EREG: variants seen among roughly 807,000 people sequenced by gnomAD.
The protein encoded by EREG is epiregulin, also known as proepiregulin.
Under a neutral mutation model 22.4 loss-of-function variants are expected in EREG, and 23 were observed. The observed-to-expected ratio is 1.03, with a 90% CI of 0.74 to 1.46. EREG has a LOEUF of 1.46. EREG is among the 40% of genes most tolerant of loss of function. EREG has a pLI of 0.00. For synonymous variants in EREG, 100 were observed against 75.4 expected (o/e 1.33, Z -1.69); for missense variants, 226 against 205.9 (o/e 1.10, Z -0.60).
chr4:74,379,658 T>G (rs1232075727), intron 2 of EREG, 124 bp downstream of exon 2: 5 of 563,796 alleles, frequency 8.9e-6, no homozygotes, highest in Non-Finnish European at 1.6e-5. Flanking sequence ...CTATATTACT[T>G]TTTAAATCAC....
chr4:74,370,967 T>C (rs566798411), intron 1 of EREG, among the ~76,000 whole-genome samples: 6 of 152,210 alleles, frequency 3.9e-5, no homozygotes, highest in African/African-American at 1.4e-4. Context: ...ACTAAATAAT[T>C]CTTTGTTGCA....
At chr4:74,381,189 T>G (rs747004149) in intron 3 of EREG, 52 bp downstream of exon 3, 29 of 1,541,676 alleles carry the variant, frequency 1.9e-5, no homozygotes, top group Non-Finnish European at 2.5e-5. Flanking sequence ...GTTTTATAGA[T>G]TTAGGGGTAC....
chr4:74,370,888 T>G (rs1015911451), intron 1 of EREG, among the ~76,000 whole-genome samples: 1 of 152,218 alleles, frequency 6.6e-6, no homozygotes, highest in African/African-American at 2.4e-5. Flanking sequence ...GTATGTGAGC[T>G]AGAACTGGAT....
intron 1 of EREG, among the ~76,000 whole-genome samples, chr4:74,369,386 C>T (rs932434471): frequency 3.3e-5 from 5 of 151,940 alleles, no homozygotes; most frequent in Admixed American, 3.3e-4. Flanking sequence ...GTACATAGTA[C>T]ATAGTACTCA....
At chr4:74,384,632 C>A in intron 4 of EREG, 95 bp from the exon 5 acceptor site, 1 of 564,374 alleles carries the variant, frequency 1.8e-6, no homozygotes, top group Non-Finnish European at 3.2e-6. Flanking sequence ...ATTTTGGAAA[C>A]ACTATGCTAA....
intron 2 of EREG, 33 bp from the exon 3 acceptor site, chr4:74,380,981 C>A (rs767497744): frequency 6.2e-7 from 1 of 1,603,674 alleles, no homozygotes; most frequent in Non-Finnish European, 8.5e-7. Flanking sequence ...ATGAAGGCTG[C>A]AGAATATATT....
chr4:74,368,618 C>T (rs995761240), intron 1 of EREG, among the ~76,000 whole-genome samples: 3 of 152,154 alleles, frequency 2.0e-5, no homozygotes, highest in African/African-American at 7.2e-5. Flanking sequence ...TGTTTTCTGT[C>T]TATTTTTGCA....
chr4:74,368,763 C>G (rs1752242529), intron 1 of EREG, among the ~76,000 whole-genome samples: 1 of 152,130 alleles, frequency 6.6e-6, no homozygotes, highest in South Asian at 2.1e-4. Context: ...TAGGCCTGTA[C>G]AAATCGTCTA....
Position 74,388,378 on chromosome 4 carries a change from T to C in EREG, c.*3570T>C, listed in dbSNP as rs981390324. On this transcript the variant is annotated 3_prime_UTR_variant, in exon 5 of 5. Coordinates refer to ENST00000244869, the MANE Select transcript of EREG (RefSeq NM_001432.3). ...AATGTTTTTAAAAAGAGTAATTTCA[T>C]TTAAATATCTGTTATTCAAATTTGA... 2 of 152,612 alleles carry C rather than the reference T, an allele frequency of 1.3e-5. No homozygotes were observed. Among genetic ancestry groups the C allele is most frequent in the Admixed American group, 6.5e-5 (1 of 15,304 alleles). The allele number at this position is 152,612 out of a possible 1,614,324, so 9.5% of individuals were successfully genotyped here.
At chr4:74,373,274 T>C (rs972766201) in intron 1 of EREG, among the ~76,000 whole-genome samples, 6 of 152,128 alleles carry the variant, frequency 3.9e-5, no homozygotes, top group African/African-American at 1.4e-4. Context: ...AAGCGAAATA[T>C]ATTAGCATTT....
At chr4:74,382,923 A>G (rs1038584733) in intron 4 of EREG, 129 bp downstream of exon 4, 26 of 681,520 alleles carry the variant, frequency 3.8e-5, no homozygotes, top group Non-Finnish European at 5.5e-5. Flanking sequence ...GATATTTACA[A>G]GAGTTGAGAA....
At chr4:74,373,251 T>C (rs1367444635) in intron 1 of EREG, among the ~76,000 whole-genome samples, 1 of 152,114 alleles carries the variant, frequency 6.6e-6, no homozygotes, top group Non-Finnish European at 1.5e-5. Flanking sequence ...TATAGCATTG[T>C]ATGATAATAT....
intron 1 of EREG, among the ~76,000 whole-genome samples, chr4:74,371,767 G>T (rs541195179): frequency 2.0e-5 from 3 of 151,662 alleles, no homozygotes; most frequent in African/African-American, 7.3e-5. Context: ...ACTCAAATAT[G>T]TTCACTCCCT....
chr4:74,366,991 C>A (rs1012417908), intron 1 of EREG, among the ~76,000 whole-genome samples: 2 of 152,176 alleles, frequency 1.3e-5, no homozygotes, highest in Non-Finnish European at 2.9e-5. Context: ...TTTGGCAAGA[C>A]CACCTGTTAT....
rs77685384 is a variant in EREG at position 74,374,987 on chromosome 4, C to A, written c.68-4461C>A. Among the ~76,000 whole-genome samples the A allele has an allele frequency of 8.6e-3, 1,315 of 152,290 alleles. 8 individuals are homozygous for A. The highest frequency in any genetic ancestry group is 0.02 in the Middle Eastern group (6 of 294). ...GCGCCAACTGCCAATTTTGAGTTTA[C>A]AGATCATCTGTGTTATATCACCTGG... On this transcript the variant is annotated intron_variant, in intron 1 of 4. Coordinates refer to ENST00000244869, the MANE Select transcript of EREG (RefSeq NM_001432.3).
chr4:74,381,187 G>A (rs771656423), intron 3 of EREG, 50 bp downstream of exon 3: 1 of 1,550,056 alleles, frequency 6.5e-7, no homozygotes, highest in Admixed American at 1.7e-5. Flanking sequence ...TTGTTTTATA[G>A]ATTTAGGGGT....
chr4:74,369,666 C>A (rs1337280980), intron 1 of EREG, among the ~76,000 whole-genome samples: 5 of 152,038 alleles, frequency 3.3e-5, no homozygotes, highest in African/African-American at 9.7e-5. Context: ...GTGATTGATA[C>A]GTGCACACAC....
At chr4:74,379,365 A>G (rs571711516) in intron 1 of EREG, 83 bp from the exon 2 acceptor site, 316 of 822,030 alleles carry the variant, frequency 3.8e-4, no homozygotes, top group South Asian at 8.5e-4. Flanking sequence ...ACAACTCTAT[A>G]AGTACTGCAG....
At chr4:74,379,936 TAAG>T (rs1310813388) in intron 2 of EREG, among the ~76,000 whole-genome samples, 1 of 152,196 alleles carries the variant, frequency 6.6e-6, no homozygotes, top group African/African-American at 2.4e-5. Flanking sequence ...TCTCTCTTTG[TAAG>T]AAGAACAAAT....
Sources: gnomAD v4.1 joint callset for allele counts (sites outside exome capture counted in the v4.1 genomes callset) on GRCh38, gnomAD v4.1.1 for gene constraint, MANE v1.5 for transcripts, NCBI Gene and HGNC (gene_info 2026-07-23, HGNC 2026-07-21) for gene names.